RELB: variants seen among roughly 807,000 people sequenced by gnomAD.
RELB encodes the protein transcription factor RelB.
Under a neutral mutation model 55.4 loss-of-function variants are expected in RELB, and 14 were observed. The ratio of observed to expected loss-of-function variants is 0.25; its 90% CI spans 0.17 to 0.40. The LOEUF is 0.40. Ranked by LOEUF, RELB falls within the 10% of genes least tolerant of loss-of-function variation. The pLI is 1.00. For synonymous variants in RELB, 409 were observed against 371.3 expected, an observed-to-expected ratio of 1.10 and a Z score of -1.17; for missense variants, 669 against 830.7, an observed-to-expected ratio of 0.81 and a Z score of 2.39.
At chr19:45,034,587 C>A in intron 11 of RELB, 59 bp downstream of exon 11, 9 of 1,467,934 alleles carry the variant, frequency 6.1e-6, no homozygotes, top group Non-Finnish European at 5.6e-6. Flanking sequence ...TAAGTGGCAG[C>A]CCTGCTTTTC....
chr19:45,009,058 T>C (rs1381850167), intron 2 of RELB, among the ~76,000 whole-genome samples: 1 of 152,164 alleles, frequency 6.6e-6, no homozygotes, highest in Non-Finnish European at 1.5e-5. Context: ...TGGGTTCAGA[T>C]CAGCCTCTTT....
Position 45,012,079 on chromosome 19 carries a change from A to C in RELB, c.307A>C (p.Thr103Pro), listed in dbSNP as rs1971367258. ...CCTGGGCCCTGTGGCGCCCCCAGCC[A>C]CGCCGCCGCCTTGGGGCTGCCCCCT... ...VTLGPVAPPA[T>P]PPPWGCPLGR... Residue 103 changes from threonine (T) to proline (P), a missense_variant, in exon 4 of 12, where the codon ACG becomes CCG. Transcript: ENST00000221452. 6.5e-7 allele frequency: 1 copy of C among 1,549,054 alleles called. No individual in the cohort carries two copies. Among genetic ancestry groups the C allele is most frequent in the South Asian group, 1.2e-5 (1 of 84,040 alleles).
chr19:45,018,179 C>T (rs1165678103), intron 4 of RELB, among the ~76,000 whole-genome samples: 2 of 151,798 alleles, frequency 1.3e-5, no homozygotes, highest in Non-Finnish European at 2.9e-5. Context: ...CTAAGGCAGG[C>T]AGATCACAAG....
At chr19:45,021,244 C>A (rs542256307) in intron 4 of RELB, among the ~76,000 whole-genome samples, 24 of 151,874 alleles carry the variant, frequency 1.6e-4, no homozygotes, top group Admixed American at 5.3e-4. Flanking sequence ...GAGGCCGAGG[C>A]GGGCGGATCA....
chr19:45,021,296 A>G (rs1971484057), intron 4 of RELB, among the ~76,000 whole-genome samples: 2 of 151,420 alleles, frequency 1.3e-5, no homozygotes, highest in African/African-American at 2.4e-5. Flanking sequence ...ACACGGTGAA[A>G]CCCCATCTCT....
Position 45,025,386 on chromosome 19 carries a change from G to A in RELB, c.720G>A (p.Glu240=). 6.2e-7 allele frequency: 1 copy of A among 1,612,914 alleles called. No homozygotes were observed. The highest frequency in any genetic ancestry group is 1.1e-5 in the South Asian group (1 of 90,798). Residue 240 remains glutamate, a synonymous_variant, in exon 6 of 12, where the codon GAG becomes GAA. Transcript: ENST00000221452. ...AGAAGGAGATTGAGGCTGCCATTGA[G>A]CGGAAGATTCAACTGGGCATTGACC... is the stretch of plus-strand genomic sequence containing the variant. ...VRKKEIEAAI[E]RKIQLGIDPY...
chr19:45,012,342 C>T (rs1162370851), intron 4 of RELB, 66 bp downstream of exon 4: 89 of 1,009,822 alleles, frequency 8.8e-5, no homozygotes, highest in Non-Finnish European at 1.1e-4. Context: ...GAGCCATCCA[C>T]ATGCATTTAT....
intron 4 of RELB, among the ~76,000 whole-genome samples, chr19:45,021,573 CT>C (rs748646881): frequency 3.9e-3 from 358 of 91,360 alleles, no homozygotes; most frequent in African/African-American, 0.012. Flanking sequence ...TCAAAGTGGC[CT>C]TTTTTTTTTT....
chr19:45,002,085 G>T (rs1971218663), intron 1 of RELB, among the ~76,000 whole-genome samples: 1 of 144,220 alleles, frequency 6.9e-6, no homozygotes, highest in Non-Finnish European at 1.5e-5. Flanking sequence ...AAGGAAGCAG[G>T]GCCCTACGCT....
intron 2 of RELB, chr19:45,008,556 G>GC: frequency 6.6e-6 from 3 of 456,196 alleles, no homozygotes; most frequent in Non-Finnish European, 8.8e-6. Context: ...CTCTCTGCCA[G>GC]CCTCAGTATC....
intron 9 of RELB, 35 bp from the exon 10 acceptor site, chr19:45,034,209 T>C (rs1971659418): frequency 5.5e-6 from 8 of 1,462,310 alleles, no homozygotes; most frequent in Non-Finnish European, 7.6e-6. Flanking sequence ...TATTGATGAA[T>C]TACTTCTTGT....
intron 2 of RELB, chr19:45,008,637 G>A (rs1971312676): frequency 4.7e-6 from 2 of 426,236 alleles, no homozygotes; most frequent in South Asian, 3.3e-5. Context: ...AGGGGTGCAG[G>A]AAAACTACCT....
At chr19:45,035,925 G>C (rs929177927) in intron 11 of RELB, among the ~76,000 whole-genome samples, 4 of 152,180 alleles carry the variant, frequency 2.6e-5, no homozygotes, top group Non-Finnish European at 4.4e-5. Context: ...TTTTCAGTTC[G>C]CCAACTCATG....
chr19:45,020,194 A>G (rs1029309538), intron 4 of RELB, among the ~76,000 whole-genome samples: 1 of 151,752 alleles, frequency 6.6e-6, no homozygotes, highest in Non-Finnish European at 1.5e-5. Flanking sequence ...CCCAGGTCAC[A>G]ATACATGATT....
chr19:45,011,190 T>G (rs1224812926), intron 3 of RELB, among the ~76,000 whole-genome samples: 1 of 146,802 alleles, frequency 6.8e-6, no homozygotes, highest in Admixed American at 7.0e-5. Context: ...TGAGATGGAG[T>G]CTTGCTCTGT....
Position 45,025,321 on chromosome 19 carries a change from C to A in RELB, c.663-8C>A. The A allele has an allele frequency of 1.2e-6, 2 of 1,605,134 alleles. No individual in the cohort carries two copies. The highest frequency in any genetic ancestry group is 1.7e-6 in the Non-Finnish European group (2 of 1,175,314). On this transcript the variant is annotated splice_region_variant and splice_polypyrimidine_tract_variant and intron_variant, in intron 5 of 11. Transcript: ENST00000221452. ...AGCACTCCTCTCCCTCCCCCGTCAC[C>A]CCCTCAGTTTTAACAACCTGGGCAT...
chr19:45,007,197 C>T (rs907090075), intron 2 of RELB, among the ~76,000 whole-genome samples: 2 of 152,126 alleles, frequency 1.3e-5, no homozygotes, highest in African/African-American at 4.8e-5. Flanking sequence ...TAGTCAATTT[C>T]CTGCTCTCAC....
At chr19:45,020,450 G>A (rs1971470052) in intron 4 of RELB, among the ~76,000 whole-genome samples, 1 of 151,604 alleles carries the variant, frequency 6.6e-6, no homozygotes, top group South Asian at 2.1e-4. Context: ...CTGGTCTCAA[G>A]CAGTCCTCCC....
chr19:45,025,730 T>C lies in RELB; in HGVS notation c.879T>C (p.Tyr293=), dbSNP rs1282919265. 1 of 1,613,858 alleles carries C rather than the reference T, an allele frequency of 6.2e-7. No homozygotes were observed. Among genetic ancestry groups the C allele is most frequent in the South Asian group, 1.1e-5 (1 of 91,078 alleles). ...ATCCTGTGCTTTCCGAGCCCGTCTA[T>C]GACAAGAGTGAGTTGAGAGTGCTGT... is the stretch of plus-strand genomic sequence containing the variant. ...RMDPVLSEPV[Y]DKKSTNTSEL... The change falls in exon 7 of 12, where the codon TAT becomes TAC. Residue 293 remains tyrosine (Y), a synonymous_variant. Transcript: ENST00000221452.
Sources: gnomAD v4.1 joint callset for allele counts (sites outside exome capture counted in the v4.1 genomes callset) on GRCh38, gnomAD v4.1.1 for gene constraint, MANE v1.5 for transcripts, NCBI Gene and HGNC (gene_info 2026-07-23, HGNC 2026-07-21) for gene names.